RPS6KA2: variants seen among roughly 807,000 people sequenced by gnomAD.
RPS6KA2 encodes the protein ribosomal protein S6 kinase A2.
A neutral mutation model predicts 91.8 loss-of-function variants in RPS6KA2; 42 were observed. The ratio of observed to expected loss-of-function variants is 0.46; its 90% CI spans 0.36 to 0.59. RPS6KA2 has a LOEUF of 0.59. Ranked by LOEUF, RPS6KA2 falls within the 20% of genes least tolerant of loss-of-function variation. The probability of loss-of-function intolerance (pLI) is 0.00; values close to 1 mark genes in which losing one functional copy is unlikely to be tolerated. For missense variants in RPS6KA2, 798 were observed against 978.5 expected, an observed-to-expected ratio of 0.82 and a Z score of 2.46; for synonymous variants, 414 against 393.6, an observed-to-expected ratio of 1.05 and a Z score of -0.61.
At chr6:166,561,989 G>A (rs1784359541) in intron 1 of RPS6KA2, among the ~76,000 whole-genome samples, 1 of 152,166 alleles carries the variant, frequency 6.6e-6, no homozygotes, top group African/African-American at 2.4e-5. Flanking sequence ...CAAACATTAT[G>A]TCATTCAATC....
intron 19 of RPS6KA2, among the ~76,000 whole-genome samples, chr6:166,416,488 C>T (rs1240946208): frequency 2.0e-5 from 3 of 151,970 alleles, no homozygotes; most frequent in Admixed American, 6.5e-5. Flanking sequence ...CCACCGTCAC[C>T]TCCATGATCA....
At chr6:166,702,865 A>T (rs1339702037) in intron 2 of RPS6KA2, 8 of 937,840 alleles carry the variant, frequency 8.5e-6, no homozygotes, top group Non-Finnish European at 3.4e-6. Flanking sequence ...TTTAAAAAAA[A>T]TTAATGAGAA....
chr6:166,416,970 G>A lies in RPS6KA2; in HGVS notation c.1938+1255C>T, dbSNP rs527802861. ...GCACTGAGATGTCAACAGCAGAATT[G>A]GAATCAGAGCCCCTGACTCCTTCTC... On this transcript the variant is annotated intron_variant, in intron 19 of 20. Transcript: ENST00000265678. Among the ~76,000 whole-genome samples the A allele has an allele frequency of 1.9e-3, 287 of 152,334 alleles. 1 individual carries two copies. Among genetic ancestry groups the A allele is most frequent in the African/African-American group, 6.7e-3 (278 of 41,584 alleles).
At chr6:166,515,130 G>A (rs964867415) in intron 3 of RPS6KA2, among the ~76,000 whole-genome samples, 3 of 152,176 alleles carry the variant, frequency 2.0e-5, no homozygotes, top group Non-Finnish European at 4.4e-5. Context: ...AGGGAGAGAG[G>A]ATGCACCATG....
chr6:166,792,335 CA>C (rs1319110958), intron 2 of RPS6KA2, among the ~76,000 whole-genome samples: 1 of 152,164 alleles, frequency 6.6e-6, no homozygotes, highest in African/African-American at 2.4e-5. Context: ...AGACCAATAA[CA>C]GGCTCTGAAA....
At chr6:166,575,395 G>A (rs942718163) in intron 1 of RPS6KA2, among the ~76,000 whole-genome samples, 2 of 152,150 alleles carry the variant, frequency 1.3e-5, no homozygotes, top group Non-Finnish European at 2.9e-5. Context: ...GCACGAGAGG[G>A]CACCTTTTGC....
At chr6:166,705,617 A>G (rs1445181701) in intron 2 of RPS6KA2, among the ~76,000 whole-genome samples, 2 of 152,214 alleles carry the variant, frequency 1.3e-5, no homozygotes, top group Non-Finnish European at 2.9e-5. Flanking sequence ...AGCAAGAAGG[A>G]GAGAGTCAGA....
rs1778884899 is a variant in RPS6KA2, at chr6:166,784,720, C to T, written c.123+73480G>A. On this transcript the variant is annotated intron_variant, in intron 2 of 21. Coordinates refer to the RPS6KA2 transcript ENST00000503859. ...GCACACCTATGCATAACCACATATG[C>T]ACACGTGCACACCTATCTATAACCA... Among the ~76,000 whole-genome samples, 2 of 119,338 alleles carry T rather than the reference C, an allele frequency of 1.7e-5. 1 individual carries two copies. Among genetic ancestry groups the T allele is most frequent in the Non-Finnish European group, 3.7e-5 (2 of 54,368 alleles). 78.3% of individuals were successfully genotyped at this position (119,338 alleles called of 152,430 possible). A position where few individuals can be genotyped will look rare whatever the true frequency, so the allele number is the denominator to read the frequency against.
intron 10 of RPS6KA2, among the ~76,000 whole-genome samples, chr6:166,482,536 G>A (rs912673598): frequency 8.5e-5 from 13 of 152,192 alleles, no homozygotes; most frequent in Admixed American, 6.5e-5. Context: ...GTTTGTTTTT[G>A]TCTCAGAAAC....
chr6:166,545,738 G>A (rs117079031), intron 1 of RPS6KA2, among the ~76,000 whole-genome samples: 1 of 152,200 alleles, frequency 6.6e-6, no homozygotes, highest in East Asian at 1.9e-4. Flanking sequence ...TGTTGTTCCC[G>A]TGGATTATTT....
At chr6:166,796,085 G>A (rs1204653446) in intron 2 of RPS6KA2, among the ~76,000 whole-genome samples, 3 of 152,170 alleles carry the variant, frequency 2.0e-5, no homozygotes, top group Non-Finnish European at 4.4e-5. Context: ...TTTCTTATCT[G>A]ATGGAAAACA....
chr6:166,466,764 T>G (rs562360968), intron 11 of RPS6KA2, among the ~76,000 whole-genome samples: 7 of 152,392 alleles, frequency 4.6e-5, no homozygotes, highest in African/African-American at 1.7e-4. Flanking sequence ...ACTTATTCAC[T>G]GATTCACTGA....
At chr6:166,489,428 T>C (rs1411070691) in intron 9 of RPS6KA2, among the ~76,000 whole-genome samples, 1 of 152,178 alleles carries the variant, frequency 6.6e-6, no homozygotes, top group Non-Finnish European at 1.5e-5. Context: ...GAGGAGGACC[T>C]GCAAACCCCG....
intron 2 of RPS6KA2, among the ~76,000 whole-genome samples, chr6:166,714,696 TG>T (rs1327881455): frequency 1.3e-5 from 2 of 152,138 alleles, no homozygotes; most frequent in Non-Finnish European, 2.9e-5. Flanking sequence ...GAGAAGGGCC[TG>T]GAACAGGCTG....
At position 166,626,723 on chromosome 6, in the gene RPS6KA2, C is replaced by T. The variant is rs1786893647; in HGVS notation, c.99+198G>A. ...GTGGAGTTGCCCCCGCGAGGACCCA[C>T]GGACCGCCCAATTACTACGGAGTCC... On this transcript the variant is annotated intron_variant, in intron 1 of 20. Coordinates refer to ENST00000265678, the MANE Select transcript of RPS6KA2 (RefSeq NM_021135.6). The surrounding 1 kb of genome is among the most constrained non-coding windows in gnomAD (Gnocchi z 4.1). 6.6e-6 allele frequency among the ~76,000 whole-genome samples: 1 copy of T among 152,204 alleles called. No homozygotes were observed. The highest frequency in any genetic ancestry group is 3.2e-3 in the Middle Eastern group (1 of 316).
chr6:166,668,645 G>C (rs571222821), intron 2 of RPS6KA2, among the ~76,000 whole-genome samples: 1 of 152,148 alleles, frequency 6.6e-6, no homozygotes, highest in African/African-American at 2.4e-5. Flanking sequence ...CACTGAGAAC[G>C]GAGGCAGTGC....
intron 2 of RPS6KA2, among the ~76,000 whole-genome samples, chr6:166,833,920 G>A (rs1375321702): frequency 2.0e-5 from 3 of 150,742 alleles, no homozygotes; most frequent in African/African-American, 7.3e-5. Flanking sequence ...TTTTTACAGG[G>A]TTGGGGTTTC....
intron 1 of RPS6KA2, among the ~76,000 whole-genome samples, chr6:166,576,317 G>T (rs1784835869): frequency 6.6e-6 from 1 of 152,240 alleles, no homozygotes; most frequent in Non-Finnish European, 1.5e-5. Flanking sequence ...ATGTGGAAGT[G>T]ACTTTGGAAC....
chr6:166,455,122 C>T (rs141071274), intron 12 of RPS6KA2, among the ~76,000 whole-genome samples: 18 of 152,106 alleles, frequency 1.2e-4, no homozygotes, highest in Admixed American at 5.9e-4. Flanking sequence ...CTTCTTCCCC[C>T]CCTCGTCTGT....
Sources: gnomAD v4.1 joint callset for allele counts (sites outside exome capture counted in the v4.1 genomes callset) on GRCh38, gnomAD v4.1.1 for gene constraint, Gnocchi (gnomAD v3.1) non-coding constraint, MANE v1.5 for transcripts, NCBI Gene and HGNC (gene_info 2026-07-23, HGNC 2026-07-21) for gene names.